NTNG1: variants seen among roughly 807,000 people sequenced by gnomAD.
The protein encoded by NTNG1 is netrin-G1.
NTNG1 carries 16 observed loss-of-function variants against 54.0 expected under a neutral mutation model. The observed-to-expected ratio is 0.30, with a 90% CI of 0.20 to 0.45. NTNG1 has a LOEUF of 0.45. NTNG1 is among the 20% of genes least tolerant of loss of function. The pLI is 1.00. For synonymous variants in NTNG1, 255 were observed against 263.1 expected (o/e 0.97, Z 0.30); for missense variants, 530 against 678.7 (o/e 0.78, Z 2.43).
intron 2 of NTNG1, among the ~76,000 whole-genome samples, chr1:107,301,488 T>A (rs1018456573): frequency 6.6e-6 from 1 of 152,198 alleles, no homozygotes; most frequent in Non-Finnish European, 1.5e-5. Flanking sequence ...ACTTCATCAG[T>A]AGAATGTAGG....
At chr1:107,199,936 T>A (rs1425516355) in intron 2 of NTNG1, among the ~76,000 whole-genome samples, 2 of 151,896 alleles carry the variant, frequency 1.3e-5, no homozygotes, top group Non-Finnish European at 2.9e-5. Context: ...ATTTGTTTGT[T>A]TAGTTTCTAT....
intron 2 of NTNG1, among the ~76,000 whole-genome samples, chr1:107,312,403 C>A (rs1025017971): frequency 1.3e-5 from 2 of 152,104 alleles, no homozygotes; most frequent in African/African-American, 4.8e-5. Flanking sequence ...CAAGGAGATG[C>A]TAAGCACTTA....
intron 3 of NTNG1, among the ~76,000 whole-genome samples, chr1:107,385,802 C>T (rs187920259): frequency 1.9e-4 from 28 of 150,968 alleles, no homozygotes; most frequent in African/African-American, 6.8e-4. Flanking sequence ...GTTTTCTATT[C>T]TATTTTGGAT....
chr1:107,181,230 G>A (rs1469997080), intron 2 of NTNG1, among the ~76,000 whole-genome samples: 1 of 152,034 alleles, frequency 6.6e-6, no homozygotes, highest in Non-Finnish European at 1.5e-5. Flanking sequence ...ATTCAGAGCT[G>A]CTTTCTTAGA....
At chr1:107,383,472 C>A (rs1163377199) in intron 3 of NTNG1, among the ~76,000 whole-genome samples, 10 of 152,038 alleles carry the variant, frequency 6.6e-5, no homozygotes, top group Admixed American at 6.5e-4. Context: ...TTATGTGGTT[C>A]TATAAAGAGA....
intron 2 of NTNG1, among the ~76,000 whole-genome samples, chr1:107,268,091 C>T (rs574327787): frequency 1.6e-4 from 25 of 152,330 alleles, no homozygotes; most frequent in African/African-American, 4.8e-4. Flanking sequence ...TCTTTTATAA[C>T]ATCATTTCTG....
At chr1:107,289,700 G>A (rs987947828) in intron 2 of NTNG1, among the ~76,000 whole-genome samples, 5 of 152,008 alleles carry the variant, frequency 3.3e-5, no homozygotes, top group African/African-American at 4.8e-5. Flanking sequence ...AAGAGATAAC[G>A]TGTCTTGTTC....
chr1:107,292,019 G>C (rs1665637195), intron 2 of NTNG1, among the ~76,000 whole-genome samples: 1 of 151,698 alleles, frequency 6.6e-6, no homozygotes, highest in Non-Finnish European at 1.5e-5. Context: ...GCTTAAATAA[G>C]AAATTTACAA....
At chr1:107,310,722 G>T (rs1333668650) in intron 2 of NTNG1, among the ~76,000 whole-genome samples, 2 of 152,034 alleles carry the variant, frequency 1.3e-5, no homozygotes, top group Non-Finnish European at 2.9e-5. Context: ...GGGGGGGAAA[G>T]AACAATGAAA....
intron 3 of NTNG1, among the ~76,000 whole-genome samples, chr1:107,344,183 A>G (rs945044423): frequency 1.3e-5 from 2 of 152,176 alleles, no homozygotes; most frequent in South Asian, 2.1e-4. Context: ...AAACTTTACC[A>G]TAGAGGCATA....
chr1:107,225,584 T>G (rs1157432835), intron 2 of NTNG1, among the ~76,000 whole-genome samples: 1 of 152,048 alleles, frequency 6.6e-6, no homozygotes, highest in East Asian at 1.9e-4. Flanking sequence ...AACCATATCC[T>G]CCTCCCTCTG....
At chr1:107,256,119 T>G (rs965924871) in intron 2 of NTNG1, among the ~76,000 whole-genome samples, 1 of 152,208 alleles carries the variant, frequency 6.6e-6, no homozygotes, top group Non-Finnish European at 1.5e-5. Context: ...ACATTCTCTG[T>G]AATTATTTGA....
chr1:107,408,047 C>A (rs1673562741), intron 5 of NTNG1: 2 of 424,382 alleles, frequency 4.7e-6, no homozygotes, highest in East Asian at 5.5e-5. Flanking sequence ...AACCAACAAA[C>A]AAATTGAACT....
intron 5 of NTNG1, among the ~76,000 whole-genome samples, chr1:107,425,105 G>A (rs1201798176): frequency 6.6e-6 from 1 of 151,996 alleles, no homozygotes; most frequent in African/African-American, 2.4e-5. Context: ...AACTTCAAAT[G>A]AGACTTGTTT....
intron 2 of NTNG1, among the ~76,000 whole-genome samples, chr1:107,243,399 G>A (rs921239978): frequency 6.6e-6 from 1 of 152,148 alleles, no homozygotes; most frequent in Non-Finnish European, 1.5e-5. Flanking sequence ...CTATTTGCCG[G>A]CTTAAAAGAT....
chr1:107,308,055 C>G (rs1021244959), intron 2 of NTNG1, among the ~76,000 whole-genome samples: 3 of 151,720 alleles, frequency 2.0e-5, no homozygotes, highest in Non-Finnish European at 4.4e-5. Context: ...CTTATAGATG[C>G]TGTATTAACC....
At chr1:107,330,221 G>A (rs1305350452) in intron 3 of NTNG1, among the ~76,000 whole-genome samples, 1 of 152,066 alleles carries the variant, frequency 6.6e-6, no homozygotes, top group Non-Finnish European at 1.5e-5. Flanking sequence ...GCATGTTCAG[G>A]AAGCTCTGAA....
intron 2 of NTNG1, among the ~76,000 whole-genome samples, chr1:107,310,923 G>A (rs1482289453): frequency 6.6e-6 from 1 of 151,882 alleles, no homozygotes; most frequent in Non-Finnish European, 1.5e-5. Flanking sequence ...GGCCTGAGAA[G>A]CAGCTTGTGT....
At chr1:107,230,385 T>G (rs886564831) in intron 2 of NTNG1, among the ~76,000 whole-genome samples, 19 of 152,108 alleles carry the variant, frequency 1.2e-4, no homozygotes, top group Admixed American at 8.5e-4. Context: ...CTCTAGAAAG[T>G]CTGCAGTTTC....
Sources: gnomAD v4.1 joint callset for allele counts (sites outside exome capture counted in the v4.1 genomes callset) on GRCh38, gnomAD v4.1.1 for gene constraint, MANE v1.5 for transcripts, NCBI Gene and HGNC (gene_info 2026-07-23, HGNC 2026-07-21) for gene names.